ACSL6: variants seen among roughly 807,000 people sequenced by gnomAD.
ACSL6 encodes the protein acyl-CoA synthetase long chain family member 6, also known as long-chain-fatty-acid--CoA ligase 6.
ACSL6 carries 47 observed loss-of-function variants against 98.2 expected under a neutral mutation model. That is an observed-to-expected ratio of 0.48 (90% CI 0.38 to 0.61). The LOEUF (loss-of-function observed/expected upper bound fraction) is 0.61, where lower values mean the gene tolerates loss of function less well. ACSL6 is among the 20% of genes least tolerant of loss of function. ACSL6 has a pLI of 0.00. For missense variants in ACSL6, 761 were observed against 913.4 expected, an observed-to-expected ratio of 0.83 and a Z score of 2.15; for synonymous variants, 362 against 336.9, an observed-to-expected ratio of 1.07 and a Z score of -0.82.
Position 131,985,395 on chromosome 5 carries a change from G to T in ACSL6, c.916+12C>A, listed in dbSNP as rs879534211. The T allele has an allele frequency of 6.2e-7, 1 of 1,613,922 alleles. No homozygotes were observed. The highest frequency in any genetic ancestry group is 1.7e-5 in the Admixed American group (1 of 60,004). Reference sequence around the variant, plus strand: ...GGTAGCCATGGCTGGGGATCTGCGTGCCTCTGCTTACCTGTCGTGCCGCTT... The same window carrying T: ...GGTAGCCATGGCTGGGGATCTGCGTTCCTCTGCTTACCTGTCGTGCCGCTT... On this transcript the variant is annotated intron_variant, in intron 9 of 20. Transcript: ENST00000651883.
chr5:131,955,314 G>A (rs1355238666), intron 20 of ACSL6, among the ~76,000 whole-genome samples: 1 of 152,186 alleles, frequency 6.6e-6, no homozygotes, highest in African/African-American at 2.4e-5. Flanking sequence ...GGTTTTGTTT[G>A]AAAACTCTTT....
chr5:131,985,444 A>G lies in ACSL6; in HGVS notation c.879T>C (p.Asp293=). The G allele has an allele frequency of 6.2e-7, 1 of 1,614,008 alleles. No individual in the cohort carries two copies. Among genetic ancestry groups the G allele is most frequent in the South Asian group, 1.1e-5 (1 of 91,082 alleles). The part of the protein sequence containing the change: ...NHQAPVPPQP[D]DLSIVCFTSG... ...TTGTGAAACACACAATGGAGAGGTC[A>G]TCAGGCTGCGGGGGCTGCAGGGGTG... The change falls in exon 9 of 21, where the codon GAT becomes GAC. Residue 293 remains aspartate (D), a synonymous_variant. Transcript: ENST00000651883.
intron 12 of ACSL6, 63 bp from the exon 13 acceptor site, chr5:131,972,921 C>A: frequency 6.2e-7 from 1 of 1,610,578 alleles, no homozygotes. Flanking sequence ...GATATATCCC[C>A]CAGGAATAAG....
chr5:131,988,563 G>A, intron 6 of ACSL6: 1 of 1,612,650 alleles, frequency 6.2e-7, no homozygotes, highest in Middle Eastern at 1.6e-4. Context: ...TACCCTGTGT[G>A]GAGGCTGTTG....
Position 131,975,560 on chromosome 5 carries a change from A to G in ACSL6, c.991-590T>C, listed in dbSNP as rs183990762. Reference sequence around the variant, plus strand: ...ATGAGCCCCAGCCAGAGGAGGAGACAAGGCCAAACCCCAAACACTGGCTGA... The same window carrying G: ...ATGAGCCCCAGCCAGAGGAGGAGACGAGGCCAAACCCCAAACACTGGCTGA... On this transcript the variant is annotated intron_variant, in intron 10 of 20. Transcript: ENST00000651883. 1.0e-3 allele frequency: 1,030 copies of G among 985,328 alleles called. 8 individuals carry two copies. The African/African-American group carries it at 0.017, about 16-fold the overall frequency. 61.0% of individuals were successfully genotyped at this position (985,328 alleles called of 1,614,324 possible). A position where few individuals can be genotyped will look rare whatever the true frequency, so the allele number is the denominator to read the frequency against.
upstream of ACSL6, chr5:132,011,894 C>G: frequency 1.3e-6 from 2 of 1,551,164 alleles, no homozygotes; most frequent in Non-Finnish European, 1.7e-6. This position sits in a 1 kb window ranked among gnomAD's most constrained non-coding sequence, Gnocchi z 5.4. Flanking sequence ...CTCTCCGGCC[C>G]CGCTCTCCAA....
At chr5:131,959,441 A>G in intron 20 of ACSL6, 95 bp downstream of exon 20, 8 of 1,377,932 alleles carry the variant, frequency 5.8e-6, no homozygotes, top group Non-Finnish European at 5.1e-6. Context: ...CCACACCATG[A>G]AAAGTCAGGA....
intron 17 of ACSL6, among the ~76,000 whole-genome samples, chr5:131,963,708 T>C (rs868316466): frequency 6.6e-6 from 1 of 152,116 alleles, no homozygotes; most frequent in Admixed American, 6.6e-5. Flanking sequence ...AACCACTTTC[T>C]GACTGGACTT....
chr5:131,994,128 A>G lies in ACSL6; in HGVS notation c.173T>C (p.Met58Thr). 6.2e-7 allele frequency: 1 copy of G among 1,614,214 alleles called. No individual in the cohort carries two copies. Among genetic ancestry groups the G allele is most frequent in the South Asian group, 1.1e-5 (1 of 91,088 alleles). Residue 58 changes from methionine to threonine, a missense_variant, in exon 2 of 21, where the codon ATG (methionine) becomes ACG (threonine). By Grantham distance (81) the Met-to-Thr change is moderately conservative. Transcript: ENST00000651883. ...RSLSATTLVSMGALAAILAYW... is the reference protein window; with the variant it reads ...RSLSATTLVSTGALAAILAYW... ...GGCAAGGATGGCAGCCAGGGCACCC[A>G]TACTCACGAGGGTGGTGGCCGAGAG...
intron 15 of ACSL6, among the ~76,000 whole-genome samples, chr5:131,968,463 T>C (rs1753137375): frequency 6.6e-6 from 1 of 152,220 alleles, no homozygotes; most frequent in Non-Finnish European, 1.5e-5. Flanking sequence ...GACTGTTGAT[T>C]ACTATGCTGG....
chr5:131,984,537 C>G (rs1754068772), intron 9 of ACSL6: 1 of 152,298 alleles, frequency 6.6e-6, no homozygotes, highest in South Asian at 2.1e-4. Context: ...GGCCCTGGTG[C>G]TTCTACTTGC....
Position 131,973,318 on chromosome 5 carries a change from C to T in ACSL6, c.1151G>A (p.Cys384Tyr). 8 of 1,614,142 alleles carry T rather than the reference C, an allele frequency of 5.0e-6. No homozygotes were observed. The highest frequency in any genetic ancestry group is 6.8e-6 in the Non-Finnish European group (8 of 1,180,018). The change falls in exon 12 of 21, where the codon TGC (cysteine) becomes TAC (tyrosine). Residue 384 changes from cysteine (C) to tyrosine (Y), a missense_variant. Transcript: ENST00000651883. Reference sequence around the variant, plus strand: ...TGGGACCACAGGGAAGATGGTGGGGCATAGAGCCTTCATGTCATCTGAGAG... The same window carrying T: ...TGGGACCACAGGGAAGATGGTGGGGTATAGAGCCTTCATGTCATCTGAGAG... ...RLLSDDMKAL[C>Y]PTIFPVVPRL...
At chr5:131,966,301 T>C (rs1753007902) in intron 17 of ACSL6, 115 bp downstream of exon 17, 3 of 977,940 alleles carry the variant, frequency 3.1e-6, no homozygotes, top group East Asian at 2.4e-5. Context: ...CCAGAGGTGC[T>C]CCTGAATGAC....
Position 131,953,862 on chromosome 5 carries a change from C to CTGG in ACSL6, c.*369_*371dup. 1 of 202,422 alleles carries CTGG rather than the reference C, an allele frequency of 4.9e-6. No homozygotes were observed. Among genetic ancestry groups the CTGG allele is most frequent in the South Asian group, 1.9e-4 (1 of 5,296 alleles). The allele number at this position is 202,422 out of a possible 1,614,324, so 12.5% of individuals were successfully genotyped here. ...CACATTGCCTAGATATTTGCTGCAT[C>CTGG]TGGTTACTGATTCACAAATAATTAA... is the stretch of plus-strand genomic sequence containing the variant. On this transcript the variant is annotated 3_prime_UTR_variant, in exon 21 of 21. Coordinates refer to ENST00000651883, the MANE Select transcript of ACSL6 (RefSeq NM_001009185.3).
At chr5:131,973,530 A>G in intron 11 of ACSL6, 130 bp from the exon 12 acceptor site, 5 of 943,264 alleles carry the variant, frequency 5.3e-6, no homozygotes, top group Non-Finnish European at 7.7e-6. Flanking sequence ...GGCTGCTGCC[A>G]TGAGACACTG....
chr5:131,953,387 G>A lies in ACSL6; in HGVS notation c.*847C>T, dbSNP rs1752244970. 1 of 183,986 alleles carries A rather than the reference G, an allele frequency of 5.4e-6. No individual in the cohort carries two copies. Among genetic ancestry groups the A allele is most frequent in the African/African-American group, 2.4e-5 (1 of 42,542 alleles). The allele number at this position is 183,986 out of a possible 1,614,324, so 11.4% of individuals were successfully genotyped here. ...CTAGCACTTAGGGAGGCCAAGGCGG[G>A]AGGATCCCTTGAGCTCAGGAGTTTG... On this transcript the variant is annotated 3_prime_UTR_variant, in exon 21 of 21. Coordinates refer to ENST00000651883, the MANE Select transcript of ACSL6 (RefSeq NM_001009185.3).
At position 131,952,409 on chromosome 5, in the gene ACSL6, T is replaced by A. The variant is rs182907228; in HGVS notation, c.*1825A>T. On this transcript the variant is annotated 3_prime_UTR_variant, in exon 21 of 21. Transcript: ENST00000651883. ...TGAAATATAAGTATATAATCACTGA[T>A]GCATATTTATTCAGTAGGCCCATGT... The A allele has an allele frequency of 9.5e-6, 2 of 209,856 alleles. No homozygotes were observed. Among genetic ancestry groups the A allele is most frequent in the African/African-American group, 4.5e-5 (2 of 44,176 alleles). The allele number at this position is 209,856 out of a possible 1,614,324, so 13.0% of individuals were successfully genotyped here. A position where few individuals can be genotyped will look rare whatever the true frequency, so the allele number is the denominator to read the frequency against.
rs929152759 is a variant in ACSL6 at position 131,974,055 on chromosome 5, A to G, written c.1069-655T>C. 3 of 152,548 alleles carry G rather than the reference A, an allele frequency of 2.0e-5. No individual in the cohort carries two copies. The South Asian group carries it at 6.2e-4, about 32-fold the overall frequency. The allele number at this position is 152,548 out of a possible 1,614,324, so 9.4% of individuals were successfully genotyped here. A position where few individuals can be genotyped will look rare whatever the true frequency, so the allele number is the denominator to read the frequency against. On this transcript the variant is annotated intron_variant, in intron 11 of 20. Transcript: ENST00000651883. The stretch of plus-strand genomic sequence containing the variant: ...TGACTTGCCCAGGGTCACAAAACTA[A>G]TTTACAGTAATTGCTGGCATTGAAT...
chr5:131,986,778 C>A (rs760706301), intron 8 of ACSL6, 44 bp downstream of exon 8: 2 of 1,612,614 alleles, frequency 1.2e-6, no homozygotes, highest in Non-Finnish European at 1.7e-6. Flanking sequence ...ACAGGCCCTG[C>A]ACGCCATCTC....
Sources: gnomAD v4.1 joint callset for allele counts (sites outside exome capture counted in the v4.1 genomes callset) on GRCh38, gnomAD v4.1.1 for gene constraint, Gnocchi (gnomAD v3.1) non-coding constraint, MANE v1.5 for transcripts, NCBI Gene and HGNC (gene_info 2026-07-23, HGNC 2026-07-21) for gene names.